Variants in CNTNAP4 observed in about 807,000 individuals in gnomAD.
CNTNAP4 encodes contactin-associated protein-like 4.
Under a neutral mutation model 148.4 loss-of-function variants are expected in CNTNAP4, and 98 were observed. The ratio of observed to expected loss-of-function variants is 0.66; its 90% CI spans 0.56 to 0.78. The LOEUF is 0.78. Among genes scored for constraint, CNTNAP4 ranks in the 30% least tolerant of loss-of-function variants. The pLI is 0.00. For missense variants in CNTNAP4, 1,935 were observed against 1,565.6 expected (o/e 1.24, Z -3.98); for synonymous variants, 730 against 565.1 (o/e 1.29, Z -4.14).
chr16:76,507,429 A>C (rs117392677), intron 15 of CNTNAP4, among the ~76,000 whole-genome samples: 37,310 of 95,572 alleles, frequency 0.39, 16,584 homozygotes, highest in East Asian at 0.83. Context: ...CCATGAGTTA[A>C]ATTGTTTTCA....
At chr16:76,444,379 T>G (rs989578479) in intron 4 of CNTNAP4, among the ~76,000 whole-genome samples, 13 of 151,704 alleles carry the variant, frequency 8.6e-5, no homozygotes, top group African/African-American at 3.1e-4. Context: ...GAAGATGTTC[T>G]ACAATGACAT....
At chr16:76,400,377 A>G (rs1427459115) in intron 3 of CNTNAP4, among the ~76,000 whole-genome samples, 1 of 152,172 alleles carries the variant, frequency 6.6e-6, no homozygotes, top group African/African-American at 2.4e-5. Flanking sequence ...ATAAATATAT[A>G]CAATTATTTG....
intron 3 of CNTNAP4, among the ~76,000 whole-genome samples, chr16:76,397,134 CA>C (rs2078229970): frequency 6.6e-6 from 1 of 151,858 alleles, no homozygotes; most frequent in Non-Finnish European, 1.5e-5. Flanking sequence ...GAAAGAACAA[CA>C]AACCTTTCAC....
intron 2 of CNTNAP4, among the ~76,000 whole-genome samples, chr16:76,333,021 T>A (rs1197289408): frequency 6.6e-6 from 1 of 152,212 alleles, no homozygotes; most frequent in Non-Finnish European, 1.5e-5. Flanking sequence ...TACACATGTA[T>A]TCACTTTACA....
intron 3 of CNTNAP4, among the ~76,000 whole-genome samples, chr16:76,426,785 A>G (rs1597497759): frequency 6.6e-6 from 1 of 152,198 alleles, no homozygotes; most frequent in East Asian, 1.9e-4. Context: ...CTAGCTTAGC[A>G]TCAATTCCCA....
At chr16:76,329,006 A>T (rs1335242798) in intron 2 of CNTNAP4, among the ~76,000 whole-genome samples, 1 of 152,218 alleles carries the variant, frequency 6.6e-6, no homozygotes, top group African/African-American at 2.4e-5. Context: ...ATATTCTTGC[A>T]ACTTTTCTGT....
At chr16:76,376,907 T>G (rs797003702) in intron 3 of CNTNAP4, among the ~76,000 whole-genome samples, 181 of 143,540 alleles carry the variant, frequency 1.3e-3, no homozygotes, top group African/African-American at 4.4e-3. Flanking sequence ...CTAACAAGGT[T>G]TGTGTGTGTG....
Position 76,309,717 on chromosome 16 carries a change from G to C in CNTNAP4, c.86-6696G>C, listed in dbSNP as rs564950780. On this transcript the variant is annotated intron_variant, in intron 1 of 23. Coordinates refer to ENST00000611870, the MANE Select transcript of CNTNAP4 (RefSeq NM_033401.5). ...CCAGAATTCCCACGTGTTGTGACAG[G>C]GACCCAGGTGGAGGTAATTGAATTG... 5.0e-6 allele frequency: 3 copies of C among 596,474 alleles called. No individual in the cohort carries two copies. The African/African-American group carries it at 5.7e-5, about 11-fold the overall frequency. 36.9% of individuals were successfully genotyped at this position (596,474 alleles called of 1,614,324 possible).
chr16:76,498,417 C>A (rs780699652), intron 14 of CNTNAP4, 150 bp from the exon 15 acceptor site: 21 of 485,800 alleles, frequency 4.3e-5, no homozygotes, highest in African/African-American at 2.6e-4. Flanking sequence ...GTAAATAAAT[C>A]AAATGTCATT....
chr16:76,322,024 TG>T (rs1962475455), intron 2 of CNTNAP4, among the ~76,000 whole-genome samples: 1 of 152,128 alleles, frequency 6.6e-6, no homozygotes, highest in Admixed American at 6.5e-5. Context: ...TGACTGAGTT[TG>T]TTGCACTGGA....
At chr16:76,384,418 G>A (rs191387872) in intron 3 of CNTNAP4, among the ~76,000 whole-genome samples, 1 of 152,230 alleles carries the variant, frequency 6.6e-6, no homozygotes, top group African/African-American at 2.4e-5. Context: ...TGAGGACCAA[G>A]CTGAATAAAG....
intron 7 of CNTNAP4, among the ~76,000 whole-genome samples, chr16:76,451,431 G>T (rs889798983): frequency 6.6e-6 from 1 of 152,058 alleles, no homozygotes; most frequent in African/African-American, 2.4e-5. Context: ...TCATGTGTCA[G>T]CAAATCCCAA....
At chr16:76,385,901 G>A (rs1322968225) in intron 3 of CNTNAP4, among the ~76,000 whole-genome samples, 2 of 152,040 alleles carry the variant, frequency 1.3e-5, no homozygotes, top group East Asian at 3.9e-4. Context: ...ACATAAGGCA[G>A]TATTTCAGCT....
At position 76,291,430 on chromosome 16, in the gene CNTNAP4, T is replaced by C. The variant is rs534182808; in HGVS notation, c.85+13683T>C. On this transcript the variant is annotated intron_variant, in intron 1 of 23. Coordinates refer to ENST00000611870, the MANE Select transcript of CNTNAP4 (RefSeq NM_033401.5). Reference sequence around the variant, plus strand: ...CTTTGCTTTTATCTGCACCTGGTGCTGTCTAGGTGCCTCTAGTACCCAAGA... The same window carrying C: ...CTTTGCTTTTATCTGCACCTGGTGCCGTCTAGGTGCCTCTAGTACCCAAGA... Among the ~76,000 whole-genome samples, 4 of 152,310 alleles carry C rather than the reference T, an allele frequency of 2.6e-5. No homozygotes were observed. The East Asian group carries it at 7.7e-4, about 29-fold the overall frequency.
intron 1 of CNTNAP4, among the ~76,000 whole-genome samples, chr16:76,296,252 C>T (rs1175625807): frequency 6.6e-6 from 1 of 152,114 alleles, no homozygotes; most frequent in East Asian, 1.9e-4. Context: ...TTGAAGGTTT[C>T]ATAGGTGATT....
At chr16:76,472,672 G>A (rs942639152) in intron 10 of CNTNAP4, among the ~76,000 whole-genome samples, 1 of 152,102 alleles carries the variant, frequency 6.6e-6, no homozygotes, top group South Asian at 2.1e-4. Context: ...GGCATTTTAG[G>A]TTGATTCCAT....
At chr16:76,549,957 G>C (rs2084894476) in intron 21 of CNTNAP4, among the ~76,000 whole-genome samples, 1 of 152,136 alleles carries the variant, frequency 6.6e-6, no homozygotes, top group Admixed American at 6.5e-5. Flanking sequence ...AGATTGAAAG[G>C]GCTTATCATG....
chr16:76,503,858 A>G (rs1341666064), intron 15 of CNTNAP4, among the ~76,000 whole-genome samples: 2 of 152,200 alleles, frequency 1.3e-5, no homozygotes, highest in Admixed American at 6.5e-5. Flanking sequence ...GCTAATGATA[A>G]AAAATTATAA....
At chr16:76,476,371 A>C (rs1243216145) in intron 11 of CNTNAP4, among the ~76,000 whole-genome samples, 1 of 152,216 alleles carries the variant, frequency 6.6e-6, no homozygotes, top group East Asian at 1.9e-4. Flanking sequence ...GCGCAGTACA[A>C]GTGGAAACAT....
Sources: allele counts gnomAD v4.1 joint callset (sites outside exome capture counted in the v4.1 genomes callset), GRCh38; gene constraint gnomAD v4.1.1; transcripts MANE v1.5; gene names NCBI Gene and HGNC (gene_info 2026-07-23, HGNC 2026-07-21).